Variants in ITFG1 observed in about 807,000 individuals in gnomAD.
ITFG1 encodes T-cell immunomodulatory protein.
ITFG1 carries 34 observed loss-of-function variants against 81.8 expected under a neutral mutation model. The observed-to-expected ratio is 0.42, with a 90% confidence interval of 0.32 to 0.55. The LOEUF (loss-of-function observed/expected upper bound fraction) is 0.55. ITFG1 is among the 20% of genes least tolerant of loss of function. The probability of loss-of-function intolerance (pLI) is 0.17; values close to 1 mark genes in which losing one functional copy is unlikely to be tolerated. For missense variants in ITFG1, 672 were observed against 755.4 expected (o/e 0.89, Z 1.29); for synonymous variants, 285 against 270.6 (o/e 1.05, Z -0.52).
chr16:47,204,935 G>A (rs1965474266), intron 14 of ITFG1, among the ~76,000 whole-genome samples: 1 of 152,176 alleles, frequency 6.6e-6, no homozygotes, highest in Non-Finnish European at 1.5e-5. Context: ...CATATGCTGA[G>A]CCAGCACTTT....
intron 14 of ITFG1, among the ~76,000 whole-genome samples, chr16:47,198,453 T>C (rs534285836): frequency 6.6e-6 from 1 of 152,350 alleles, no homozygotes; most frequent in African/African-American, 2.4e-5. Context: ...TGTATACAAG[T>C]ATAGCACATA....
At chr16:47,410,474 G>A (rs1057393275) in intron 6 of ITFG1, among the ~76,000 whole-genome samples, 6 of 151,992 alleles carry the variant, frequency 3.9e-5, no homozygotes, top group South Asian at 2.1e-4. Context: ...GCCAGGAAGC[G>A]CCTCTCCCAC....
chr16:47,323,461 G>T (rs1967479997), intron 8 of ITFG1, among the ~76,000 whole-genome samples: 1 of 152,086 alleles, frequency 6.6e-6, no homozygotes, highest in Non-Finnish European at 1.5e-5. Flanking sequence ...GAGGACTCTG[G>T]TATTATCAGA....
chr16:47,458,841 G>A (rs757420329), intron 2 of ITFG1, among the ~76,000 whole-genome samples: 5 of 151,908 alleles, frequency 3.3e-5, no homozygotes, highest in Admixed American at 1.3e-4. Flanking sequence ...GAAGGGATAC[G>A]AGGGATACGA....
intron 14 of ITFG1, among the ~76,000 whole-genome samples, chr16:47,198,686 T>C (rs966128755): frequency 2.0e-5 from 3 of 152,212 alleles, no homozygotes; most frequent in Admixed American, 6.5e-5. Context: ...TTATTGCCCC[T>C]GAAGACTTTC....
intron 8 of ITFG1, among the ~76,000 whole-genome samples, chr16:47,322,519 T>G (rs958200232): frequency 6.6e-6 from 1 of 151,966 alleles, no homozygotes; most frequent in Non-Finnish European, 1.5e-5. Flanking sequence ...CAAAACCCCA[T>G]CTCTACTAAA....
chr16:47,389,014 C>T (rs1483018019), intron 6 of ITFG1, among the ~76,000 whole-genome samples: 3 of 152,136 alleles, frequency 2.0e-5, no homozygotes, highest in Non-Finnish European at 4.4e-5. Context: ...TAACTCGCTT[C>T]CCGCCTCATG....
At chr16:47,160,190 A>G (rs980048127) in intron 16 of ITFG1, among the ~76,000 whole-genome samples, 7 of 148,428 alleles carry the variant, frequency 4.7e-5, no homozygotes, top group Non-Finnish European at 9.0e-5. Context: ...GTTTTGGTAA[A>G]AAAAAAAAAA....
chr16:47,412,109 C>T (rs1226233847), intron 6 of ITFG1, among the ~76,000 whole-genome samples: 3 of 152,016 alleles, frequency 2.0e-5, no homozygotes, highest in Non-Finnish European at 4.4e-5. Flanking sequence ...AAACAAAAAG[C>T]ACCATCCAAA....
chr16:47,388,970 A>T (rs1567483140), intron 6 of ITFG1, among the ~76,000 whole-genome samples: 3 of 152,116 alleles, frequency 2.0e-5, no homozygotes, highest in Non-Finnish European at 2.9e-5. Flanking sequence ...AGATATAAGG[A>T]ATGTTGTAAT....
chr16:47,449,062 C>G (rs1459453633), intron 5 of ITFG1: 2 of 152,174 alleles, frequency 1.3e-5, no homozygotes, highest in Non-Finnish European at 2.9e-5. Flanking sequence ...CACCTTTAGT[C>G]CAGCCAAACT....
intron 6 of ITFG1, among the ~76,000 whole-genome samples, chr16:47,408,479 T>C (rs543788297): frequency 6.6e-6 from 1 of 152,280 alleles, no homozygotes; most frequent in South Asian, 2.1e-4. Context: ...CTTTCCAGTT[T>C]TACAAGAAGT....
At chr16:47,433,339 G>A (rs1281093292) in intron 5 of ITFG1, among the ~76,000 whole-genome samples, 1 of 152,158 alleles carries the variant, frequency 6.6e-6, no homozygotes, top group East Asian at 1.9e-4. Flanking sequence ...TCATATACAA[G>A]TCTGGATTTT....
intron 9 of ITFG1, 54 bp downstream of exon 9, chr16:47,313,675 T>C (rs1467298655): frequency 4.2e-6 from 4 of 959,906 alleles, no homozygotes; most frequent in Non-Finnish European, 6.4e-6. Context: ...CCTTAGAAGA[T>C]TTTTTTCCAA....
intron 14 of ITFG1, among the ~76,000 whole-genome samples, chr16:47,214,528 C>G (rs998077259): frequency 6.6e-6 from 1 of 152,146 alleles, no homozygotes; most frequent in African/African-American, 2.4e-5. Context: ...ATGCCCATTG[C>G]AGATCCCTGG....
At chr16:47,387,461 A>G (rs1430808747) in intron 6 of ITFG1, among the ~76,000 whole-genome samples, 2 of 152,040 alleles carry the variant, frequency 1.3e-5, no homozygotes, top group South Asian at 2.1e-4. Flanking sequence ...CTTGTGCCCT[A>G]TATCTGGGCA....
intron 8 of ITFG1, among the ~76,000 whole-genome samples, chr16:47,352,933 T>C (rs755806859): frequency 3.3e-5 from 5 of 152,020 alleles, no homozygotes; most frequent in African/African-American, 9.7e-5. Flanking sequence ...CTGGAAACCA[T>C]GATTCTCAGC....
intron 8 of ITFG1, among the ~76,000 whole-genome samples, chr16:47,354,083 T>C (rs1158402689): frequency 6.6e-6 from 1 of 152,120 alleles, no homozygotes; most frequent in African/African-American, 2.4e-5. Flanking sequence ...CAACAGACTT[T>C]GAATAGCCAA....
intron 13 of ITFG1, among the ~76,000 whole-genome samples, chr16:47,230,481 G>A (rs1247113147): frequency 6.6e-6 from 1 of 152,184 alleles, no homozygotes; most frequent in Non-Finnish European, 1.5e-5. Context: ...TGGAGGGGAT[G>A]TGGGTTTCAG....
Sources: gnomAD v4.1 joint callset for allele counts (sites outside exome capture counted in the v4.1 genomes callset) on GRCh38, gnomAD v4.1.1 for gene constraint, MANE v1.5 for transcripts, NCBI Gene and HGNC (gene_info 2026-07-23, HGNC 2026-07-21) for gene names.